HECTD4: variants seen among roughly 807,000 people sequenced by gnomAD.
The protein encoded by HECTD4 is HECT domain E3 ubiquitin protein ligase 4, also known as probable E3 ubiquitin-protein ligase HECTD4.
HECTD4 carries 114 observed loss-of-function variants against 471.5 expected under a neutral mutation model. That is an observed-to-expected ratio of 0.24 (90% CI 0.21 to 0.28). HECTD4 has a LOEUF of 0.28. Among genes scored for constraint, HECTD4 ranks in the 10% least tolerant of loss-of-function variants. The probability of loss-of-function intolerance (pLI) is 1.00; values close to 1 mark genes in which losing one functional copy is unlikely to be tolerated. For missense variants in HECTD4, 3,866 were observed against 5,651.5 expected (o/e 0.68, Z 10.13); for synonymous variants, 2,012 against 2,256.0 (o/e 0.89, Z 3.07).
In HECTD4 at chr12:112,219,370, A is replaced by G. The variant is rs760274357; in HGVS notation, c.7074+16T>C. ...GTGGAGGCTGCAGGAGGCGCGAAGC[A>G]CCGCAGAGGGCTCACCTGTCTTCGG... On this transcript the variant is annotated intron_variant, in intron 45 of 75. Coordinates refer to ENST00000682272, the MANE Select transcript of HECTD4 (RefSeq NM_001388303.1). The G allele has an allele frequency of 6.2e-7, 1 of 1,600,430 alleles. No homozygotes were observed. Among genetic ancestry groups the G allele is most frequent in the Non-Finnish European group, 8.6e-7 (1 of 1,168,704 alleles).
intron 50 of HECTD4, 71 bp downstream of exon 50, chr12:112,209,944 G>C: frequency 7.8e-7 from 1 of 1,277,092 alleles, no homozygotes; most frequent in Non-Finnish European, 1.1e-6. Context: ...AAGTGCAATG[G>C]GTTTATGGAA....
rs1460459218 is a variant in HECTD4 at position 112,166,888 on chromosome 12, T to C, written c.12534+429A>G. 1 of 159,700 alleles carries C rather than the reference T, an allele frequency of 6.3e-6. No homozygotes were observed. The highest frequency in any genetic ancestry group is 1.4e-5 in the Non-Finnish European group (1 of 73,370). 9.9% of individuals were successfully genotyped at this position (159,700 alleles called of 1,614,324 possible). ...ATCTGTGCGTGGCGTACGCATGCCC[T>C]GGACAGGCAGGAAGGGCTCCATCCT... On this transcript the variant is annotated intron_variant, in intron 72 of 75. Coordinates refer to ENST00000682272, the MANE Select transcript of HECTD4 (RefSeq NM_001388303.1). This position sits in a 1 kb window ranked among gnomAD's most constrained non-coding sequence, Gnocchi z 4.6.
rs2035686434 is a variant in HECTD4, at chr12:112,324,084, TTCTTTCTTTCTTTCTTTCCTCTC to T, written c.178-4365_178-4343del. 1.3e-4 allele frequency among the ~76,000 whole-genome samples: 11 copies of T among 85,456 alleles called. 2 individuals carry two copies. Among genetic ancestry groups the T allele is most frequent in the African/African-American group, 7.2e-4 (10 of 13,918 alleles). 56.1% of individuals were successfully genotyped at this position (85,456 alleles called of 152,430 possible). ...TTTCTTTCTTTCTTTCTTTCTTTCT[TTCTTTCTTTCTTTCTTTCCTCTC>T]TCTCTTTCTTTCTTTTTTTTATTTT... On this transcript the variant is annotated intron_variant, in intron 1 of 75. Transcript: ENST00000682272.
rs541223654 is a variant in HECTD4 at position 112,179,585 on chromosome 12, G to A, written c.10988-188C>T. 1.4e-4 allele frequency among the ~76,000 whole-genome samples: 21 copies of A among 152,356 alleles called. No individual in the cohort carries two copies. The highest frequency in any genetic ancestry group is 6.2e-4 in the South Asian group (3 of 4,828). ...CAGCACATGCCCAGCCTTCCTTGCC[G>A]TAAGGTGCGGCCCTGCAACCGTGGT... On this transcript the variant is annotated intron_variant, in intron 62 of 75. Coordinates refer to ENST00000682272, the MANE Select transcript of HECTD4 (RefSeq NM_001388303.1). This position sits in a 1 kb window ranked among gnomAD's most constrained non-coding sequence, Gnocchi z 4.3.
chr12:112,263,608 C>A (rs1039474563), intron 17 of HECTD4, among the ~76,000 whole-genome samples: 1 of 151,778 alleles, frequency 6.6e-6, no homozygotes, highest in African/African-American at 2.4e-5. Flanking sequence ...TTATTCCATA[C>A]AAAGATTGAA....
chr12:112,169,262 G>A (rs1364068271), intron 70 of HECTD4, among the ~76,000 whole-genome samples: 3 of 152,228 alleles, frequency 2.0e-5, no homozygotes, highest in African/African-American at 4.8e-5. Context: ...AATCAGCACC[G>A]AGGAGGGCCC....
intron 1 of HECTD4, among the ~76,000 whole-genome samples, chr12:112,367,682 G>A (rs2036591042): frequency 6.6e-6 from 1 of 151,822 alleles, no homozygotes; most frequent in Admixed American, 6.6e-5. Flanking sequence ...TTAGCTGGGT[G>A]TGGTGGCATG....
chr12:112,295,459 G>T (rs2034986781), intron 7 of HECTD4, among the ~76,000 whole-genome samples: 2 of 149,860 alleles, frequency 1.3e-5, no homozygotes, highest in Admixed American at 6.7e-5. Context: ...TTGGACTCCT[G>T]GACTGAAGTG....
Position 112,235,948 on chromosome 12 carries a change from T to C in HECTD4, c.5445-164A>G, listed in dbSNP as rs151228414. Reference sequence around the variant, plus strand: ...GAAGAATTAAGAATTTTGGAAACATTTGATGAAACCAAACAACACTAATAC... The same window carrying C: ...GAAGAATTAAGAATTTTGGAAACATCTGATGAAACCAAACAACACTAATAC... On this transcript the variant is annotated intron_variant, in intron 35 of 75. Coordinates refer to ENST00000682272, the MANE Select transcript of HECTD4 (RefSeq NM_001388303.1). This position sits in a 1 kb window ranked among gnomAD's most constrained non-coding sequence, Gnocchi z 5.0. Among the ~76,000 whole-genome samples the C allele has an allele frequency of 6.4e-3, 969 of 152,312 alleles. 13 individuals carry two copies. The highest frequency in any genetic ancestry group is 0.032 in the South Asian group (155 of 4,826).
At chr12:112,310,902 T>C (rs1009651113) in intron 4 of HECTD4, among the ~76,000 whole-genome samples, 1 of 152,190 alleles carries the variant, frequency 6.6e-6, no homozygotes, top group Non-Finnish European at 1.5e-5. Context: ...AGCTGAGTGA[T>C]GAGTACACAG....
Position 112,382,327 on chromosome 12 carries a change from TGCCGCCGCC to T in HECTD4, c.-208_-200del, listed in dbSNP as rs558182543. Reference sequence around the variant, plus strand: ...ACCCCGGCCCGGGAGACCCCGGCCCTGCCGCCGCCGCCGCCGCCGCCGCCGCCGCCGCCC... The same window carrying T: ...ACCCCGGCCCGGGAGACCCCGGCCCTGCCGCCGCCGCCGCCGCCGCCGCCC... On this transcript the variant is annotated 5_prime_UTR_variant, in exon 1 of 76. Coordinates refer to ENST00000682272, the MANE Select transcript of HECTD4 (RefSeq NM_001388303.1). 1.2e-3 allele frequency: 445 copies of T among 356,232 alleles called. 1 individual carries two copies. The highest frequency in any genetic ancestry group is 7.5e-3 in the East Asian group (112 of 14,916). The allele number at this position is 356,232 out of a possible 1,614,324, so 22.1% of individuals were successfully genotyped here.
chr12:112,296,543 T>G (rs1462177088), intron 7 of HECTD4, among the ~76,000 whole-genome samples: 119 of 98,614 alleles, frequency 1.2e-3, no homozygotes, highest in Middle Eastern at 0.018. Context: ...TGTAGGTGCA[T>G]TGGACGTAGG....
chr12:112,266,937 G>A lies in HECTD4; in HGVS notation c.2367C>T (p.Asn789=), dbSNP rs759168442. The A allele has an allele frequency of 6.5e-7, 1 of 1,529,966 alleles. No individual in the cohort carries two copies. The highest frequency in any genetic ancestry group is 1.2e-5 in the South Asian group (1 of 83,564). 94.8% of individuals were successfully genotyped at this position (1,529,966 alleles called of 1,614,324 possible). The change falls in exon 14 of 76, where the codon AAC becomes AAT. Residue 789 remains asparagine (N), a synonymous_variant. Transcript: ENST00000682272. ...CTTCTGTTAAGACCAGTTTAAGTAA[G>A]TTATTGATTTCAGTTTCACCTGGGT... ...ILYPGETEIN[N]LLKLVLTEGE...
chr12:112,226,341 C>G lies in HECTD4; in HGVS notation c.6970+302G>C, dbSNP rs1329484484. 8 of 234,264 alleles carry G rather than the reference C, an allele frequency of 3.4e-5. No individual in the cohort carries two copies. The East Asian group carries it at 6.6e-4, about 19-fold the overall frequency. The allele number at this position is 234,264 out of a possible 1,614,324, so 14.5% of individuals were successfully genotyped here. ...TACATGCCAGCCCTAAGGACAGCTC[C>G]TAAATATTATAGTTCTAATAGGTAA... On this transcript the variant is annotated intron_variant, in intron 44 of 75. Transcript: ENST00000682272.
At chr12:112,354,799 A>G (rs548805798) in intron 1 of HECTD4, among the ~76,000 whole-genome samples, 2 of 152,208 alleles carry the variant, frequency 1.3e-5, no homozygotes, top group South Asian at 2.1e-4. Context: ...ATTCTCAACC[A>G]TGGTCTATGC....
At chr12:112,249,948 T>A (rs916543826) in intron 25 of HECTD4, 196 bp downstream of exon 25, 2 of 583,682 alleles carry the variant, frequency 3.4e-6, no homozygotes, top group African/African-American at 3.7e-5. Context: ...TGCTGCTGAC[T>A]GGTGGGCCAA....
chr12:112,294,685 CT>C (rs574799445), intron 7 of HECTD4, among the ~76,000 whole-genome samples: 33 of 152,240 alleles, frequency 2.2e-4, no homozygotes, highest in African/African-American at 5.3e-4. Flanking sequence ...CTCAAAACAG[CT>C]CTTGTTAGCG....
rs1352949235 is a variant in HECTD4, at chr12:112,313,052, G to A, written c.881C>T (p.Pro294Leu). Residue 294 changes from proline to leucine, a missense_variant, in exon 4 of 76, where the codon CCG becomes CTG. Physicochemically the swap from Pro to Leu is moderately conservative, Grantham distance 98 (BLOSUM62 -3). Transcript: ENST00000682272. ...AGAACTGGAGCCAGTGTTGCTATCC[G>A]GCGCAGGCAACATGTCTTCATAACC... ...SWGYEDMLPA[P>L]DSNTGSSSEN... 13 of 1,535,546 alleles carry A rather than the reference G, an allele frequency of 8.5e-6. No individual in the cohort carries two copies. The highest frequency in any genetic ancestry group is 2.4e-5 in the East Asian group (1 of 40,906).
At chr12:112,257,671 T>C (rs1266999343) in intron 20 of HECTD4, among the ~76,000 whole-genome samples, 1 of 152,224 alleles carries the variant, frequency 6.6e-6, no homozygotes, top group Non-Finnish European at 1.5e-5. Context: ...CAAAAGTTCA[T>C]TCCTTTTTAT....
Sources: gnomAD v4.1 joint callset for allele counts (sites outside exome capture counted in the v4.1 genomes callset) on GRCh38, gnomAD v4.1.1 for gene constraint, Gnocchi (gnomAD v3.1) non-coding constraint, MANE v1.5 for transcripts, NCBI Gene and HGNC (gene_info 2026-07-23, HGNC 2026-07-21) for gene names.